Variants in TYW5 observed in about 807,000 individuals in gnomAD.
The protein encoded by TYW5 is tRNA wybutosine-synthesizing protein 5.
In TYW5, 36 loss-of-function variants were observed where a neutral mutation model predicts 44.4. The ratio of observed to expected loss-of-function variants is 0.81; its 90% CI spans 0.62 to 1.07. The LOEUF is 1.07. Among genes scored for constraint, TYW5 ranks in the 50% least tolerant of loss-of-function variants. The pLI is 0.00. For synonymous variants in TYW5, 121 were observed against 128.1 expected, an observed-to-expected ratio of 0.94 and a Z score of 0.37; for missense variants, 354 against 365.7, an observed-to-expected ratio of 0.97 and a Z score of 0.26.
chr2:199,937,838 G>T (rs1490805463), intron 5 of TYW5, among the ~76,000 whole-genome samples: 1 of 151,932 alleles, frequency 6.6e-6, no homozygotes, highest in Admixed American at 6.6e-5. Flanking sequence ...CTCCCAAGAG[G>T]GTCTCAACTG....
chr2:199,946,725 T>C (rs1265275055), intron 2 of TYW5: 1 of 152,206 alleles, frequency 6.6e-6, no homozygotes, highest in Admixed American at 6.5e-5. Context: ...TTGGCCTGGA[T>C]GCATTCCTTC....
At chr2:199,940,307 TA>T (rs2077453681) in intron 3 of TYW5, among the ~76,000 whole-genome samples, 174 bp from the exon 4 acceptor site, 1 of 151,930 alleles carries the variant, frequency 6.6e-6, no homozygotes, top group African/African-American at 2.4e-5. Context: ...TATTAGGAAG[TA>T]AAGTTAGGAA....
intron 5 of TYW5, among the ~76,000 whole-genome samples, chr2:199,938,585 CCTTATACTAAAGG>C: frequency 6.6e-6 from 1 of 152,130 alleles, no homozygotes; most frequent in East Asian, 1.9e-4. Flanking sequence ...ATTTATACCT[CCTTATACTAAAGG>C]CTTATCACTT....
At chr2:199,942,093 G>A (rs1461337425) in intron 3 of TYW5, 1 of 150,054 alleles carries the variant, frequency 6.7e-6, no homozygotes. Flanking sequence ...TTGAGACGGA[G>A]TCTTGCTCTG....
At chr2:199,955,190 T>G (rs1298577202) in intron 1 of TYW5, 1 of 565,770 alleles carries the variant, frequency 1.8e-6, no homozygotes, top group Non-Finnish European at 3.1e-6. Flanking sequence ...AACATGGGAC[T>G]TTCTCCGGAA....
Position 199,955,234 on chromosome 2 carries a change from G to C in TYW5, c.78+159C>G, listed in dbSNP as rs1452426808. The C allele has an allele frequency of 7.0e-6, 5 of 714,082 alleles. No homozygotes were observed. The Admixed American group carries it at 1.5e-4, about 21-fold the overall frequency. The allele number at this position is 714,082 out of a possible 1,614,324, so 44.2% of individuals were successfully genotyped here. On this transcript the variant is annotated intron_variant, in intron 1 of 7. Transcript: ENST00000354611. The stretch of plus-strand genomic sequence containing the variant: ...AGAGGAGCCAGTCGGCGTCCCCCGT[G>C]CACCTTTCCCTTGGTCTAAGGGCCA...
Position 199,933,326 on chromosome 2 carries a change from GGA to G in TYW5, c.692-5_692-4del, listed in dbSNP as rs2077395030. On this transcript the variant is annotated splice_polypyrimidine_tract_variant and splice_region_variant and intron_variant, in intron 7 of 7. Transcript: ENST00000354611. ...AATTACATTATGGAACCATAAAGCTGGAGAAAGTTTAAAAAACAAGTTAAAAA... is the reference window on the plus strand; with the variant it reads ...AATTACATTATGGAACCATAAAGCTGGAAAGTTTAAAAAACAAGTTAAAAA... The G allele has an allele frequency of 1.9e-6, 3 of 1,578,518 alleles. No individual in the cohort carries two copies. The highest frequency in any genetic ancestry group is 2.6e-6 in the Non-Finnish European group (3 of 1,166,778).
intron 1 of TYW5, among the ~76,000 whole-genome samples, chr2:199,952,970 C>T (rs1191890400): frequency 6.6e-6 from 1 of 152,126 alleles, no homozygotes. Context: ...TTGCCCAAAC[C>T]CATAGAATGT....
At chr2:199,952,296 A>C (rs1353539677) in intron 1 of TYW5, among the ~76,000 whole-genome samples, 1 of 152,206 alleles carries the variant, frequency 6.6e-6, no homozygotes, top group Admixed American at 6.5e-5. Context: ...ATGCCAACAG[A>C]GTTGTACCAT....
chr2:199,929,820 C>T lies in TYW5; in HGVS notation c.*3247G>A, dbSNP rs1054487345. Among the ~76,000 whole-genome samples, 3 of 151,306 alleles carry T rather than the reference C, an allele frequency of 2.0e-5. No individual in the cohort carries two copies. The highest frequency in any genetic ancestry group is 4.4e-5 in the Non-Finnish European group (3 of 67,916). Reference sequence around the variant, plus strand: ...TAATGTTATGAAATGCTAATAATTACACTCTGTTTAGTTTTTTTTTTTGAG... The same window carrying T: ...TAATGTTATGAAATGCTAATAATTATACTCTGTTTAGTTTTTTTTTTTGAG... On this transcript the variant is annotated 3_prime_UTR_variant, in exon 8 of 8. Transcript: ENST00000354611.
At chr2:199,949,226 T>C (rs1168318542) in intron 1 of TYW5, among the ~76,000 whole-genome samples, 1 of 151,496 alleles carries the variant, frequency 6.6e-6, no homozygotes, top group African/African-American at 2.4e-5. Context: ...AAAGAAAATT[T>C]GAAGTGTGGT....
chr2:199,953,401 G>A (rs1393476217), intron 1 of TYW5, among the ~76,000 whole-genome samples: 4 of 152,228 alleles, frequency 2.6e-5, no homozygotes, highest in Non-Finnish European at 5.9e-5. Context: ...ATGAGGGGAT[G>A]TTGATCATGG....
Position 199,932,320 on chromosome 2 carries a change from T to C in TYW5, c.*747A>G, listed in dbSNP as rs1559299111. The stretch of plus-strand genomic sequence containing the variant: ...AAATTCTGCTTCTAGGCAAATGTAA[T>C]AGATATTGTGCGTTGCTCATGTTTT... On this transcript the variant is annotated 3_prime_UTR_variant, in exon 8 of 8. Transcript: ENST00000354611. The C allele has an allele frequency of 6.6e-6, 1 of 152,168 alleles. No individual in the cohort carries two copies. Among genetic ancestry groups the C allele is most frequent in the Non-Finnish European group, 1.5e-5 (1 of 68,024 alleles). 9.4% of individuals were successfully genotyped at this position (152,168 alleles called of 1,614,324 possible).
At chr2:199,934,493 A>C (rs2077404016) in intron 7 of TYW5, among the ~76,000 whole-genome samples, 1 of 150,628 alleles carries the variant, frequency 6.6e-6, no homozygotes, top group Non-Finnish European at 1.5e-5. Context: ...CTTTCAATGA[A>C]AATAAGAATA....
chr2:199,952,774 G>A (rs927407055), intron 1 of TYW5, among the ~76,000 whole-genome samples: 1 of 152,170 alleles, frequency 6.6e-6, no homozygotes, highest in Non-Finnish European at 1.5e-5. Flanking sequence ...TAGCACTTGT[G>A]TAGCTTCATT....
chr2:199,943,888 A>G, intron 2 of TYW5, 54 bp from the exon 3 acceptor site: 1 of 1,369,022 alleles, frequency 7.3e-7, no homozygotes, highest in African/African-American at 1.5e-5. Flanking sequence ...TCAACTAGTA[A>G]GAATCTAATC....
chr2:199,936,890 A>G (rs2077425115), intron 5 of TYW5, among the ~76,000 whole-genome samples: 1 of 152,202 alleles, frequency 6.6e-6, no homozygotes, highest in South Asian at 2.1e-4. Flanking sequence ...AGGAAAATAC[A>G]AGGTACTGTT....
At chr2:199,933,403 A>G in intron 7 of TYW5, 80 bp from the exon 8 acceptor site, 1 of 1,188,742 alleles carries the variant, frequency 8.4e-7, no homozygotes, top group Non-Finnish European at 1.2e-6. Context: ...AATATCACGA[A>G]TTGCATATAG....
chr2:199,938,795 G>T, intron 5 of TYW5, 138 bp downstream of exon 5: 1 of 827,992 alleles, frequency 1.2e-6, no homozygotes, highest in Non-Finnish European at 1.8e-6. Context: ...GCTATGCACA[G>T]CACCTATTTT....
Sources: gnomAD v4.1 joint callset for allele counts (sites outside exome capture counted in the v4.1 genomes callset) on GRCh38, gnomAD v4.1.1 for gene constraint, MANE v1.5 for transcripts, NCBI Gene and HGNC (gene_info 2026-07-23, HGNC 2026-07-21) for gene names.